The following IWS1 variants were observed in gnomAD, a reference collection of about 807,000 sequenced individuals.
IWS1 encodes the protein protein IWS1 homolog.
A neutral mutation model predicts 86.7 loss-of-function variants in IWS1; 27 were observed. That is an observed-to-expected ratio of 0.31 (90% confidence interval 0.23 to 0.43). IWS1 has a LOEUF of 0.43. Among genes scored for constraint, IWS1 ranks in the 20% least tolerant of loss-of-function variants. IWS1 has a pLI of 1.00. For missense variants in IWS1, 827 were observed against 1,000.8 expected (o/e 0.83, Z 2.34); for synonymous variants, 313 against 335.1 (o/e 0.93, Z 0.72).
intron 5 of IWS1, among the ~76,000 whole-genome samples, chr2:127,500,699 A>G (rs1690754983): frequency 6.6e-6 from 1 of 152,146 alleles, no homozygotes; most frequent in Non-Finnish European, 1.5e-5. Context: ...AATATTTACT[A>G]TTTACATTTA....
chr2:127,525,969 G>A (rs1692384769), intron 1 of IWS1, among the ~76,000 whole-genome samples: 1 of 152,222 alleles, frequency 6.6e-6, no homozygotes, highest in Admixed American at 6.5e-5. Flanking sequence ...CGCCGATTCA[G>A]AAGAAAGCTT....
chr2:127,509,176 A>G (rs1691307562), intron 2 of IWS1, among the ~76,000 whole-genome samples: 1 of 152,238 alleles, frequency 6.6e-6, no homozygotes, highest in African/African-American at 2.4e-5. Context: ...TATGCTGGAA[A>G]TTATACAGTT....
At chr2:127,511,022 A>G (rs961746265) in intron 2 of IWS1, 1 of 152,226 alleles carries the variant, frequency 6.6e-6, no homozygotes, top group African/African-American at 2.4e-5. Flanking sequence ...ATTCTACTCC[A>G]GTTCCAGCAG....
chr2:127,509,952 C>T (rs1050932780), intron 2 of IWS1, among the ~76,000 whole-genome samples: 2 of 152,090 alleles, frequency 1.3e-5, no homozygotes, highest in African/African-American at 4.8e-5. Context: ...GTAAAGTATT[C>T]AAATTTCAAA....
At chr2:127,495,913 G>A (rs1690486288) in intron 7 of IWS1, 85 bp downstream of exon 7, 3 of 1,196,762 alleles carry the variant, frequency 2.5e-6, no homozygotes, top group South Asian at 3.6e-5. Context: ...CTTAATTGTA[G>A]TTTAAGGGTT....
chr2:127,489,412 C>A lies in IWS1; in HGVS notation c.2160-177G>T, dbSNP rs1185960898. 6.8e-6 allele frequency: 4 copies of A among 585,014 alleles called. No individual in the cohort carries two copies. Among genetic ancestry groups the A allele is most frequent in the Non-Finnish European group, 1.2e-5 (4 of 327,676 alleles). The allele number at this position is 585,014 out of a possible 1,614,324, so 36.2% of individuals were successfully genotyped here. A position where few individuals can be genotyped will look rare whatever the true frequency, so the allele number is the denominator to read the frequency against. On this transcript the variant is annotated intron_variant, in intron 11 of 13. Transcript: ENST00000295321. The surrounding 1 kb of genome is among the most constrained non-coding windows in gnomAD (Gnocchi z 4.8). ...CTCATTTTAGTATTCATTTGCATAACAGGTTTCCTTGTGGATGAGCCGTAA... is the reference window on the plus strand; with the variant it reads ...CTCATTTTAGTATTCATTTGCATAAAAGGTTTCCTTGTGGATGAGCCGTAA...
At chr2:127,497,483 T>C (rs1404913939) in intron 6 of IWS1, among the ~76,000 whole-genome samples, 1 of 152,238 alleles carries the variant, frequency 6.6e-6, no homozygotes, top group Non-Finnish European at 1.5e-5. Flanking sequence ...AACTACAGGC[T>C]TGCTAAGCGC....
chr2:127,493,491 G>T, intron 8 of IWS1, 81 bp from the exon 9 acceptor site: 1 of 1,340,722 alleles, frequency 7.5e-7, no homozygotes, highest in Non-Finnish European at 9.9e-7. Context: ...ATTTAGTGAT[G>T]TTTCTAAAAA....
Position 127,489,589 on chromosome 2 carries a change from A to G in IWS1, c.2159+243T>C. ...CTCAAGTGGATGGAACAACACAAGC[A>G]ATCAGTATCCTGAAACAGGCCCTGT... On this transcript the variant is annotated intron_variant, in intron 11 of 13. Coordinates refer to ENST00000295321, the MANE Select transcript of IWS1 (RefSeq NM_017969.3). This position sits in a 1 kb window ranked among gnomAD's most constrained non-coding sequence, Gnocchi z 4.8. 1.9e-6 allele frequency: 1 copy of G among 538,910 alleles called. No homozygotes were observed. The highest frequency in any genetic ancestry group is 3.3e-6 in the Non-Finnish European group (1 of 305,712). The allele number at this position is 538,910 out of a possible 1,614,324, so 33.4% of individuals were successfully genotyped here. A position where few individuals can be genotyped will look rare whatever the true frequency, so the allele number is the denominator to read the frequency against.
At position 127,505,537 on chromosome 2, in the gene IWS1, ACT is replaced by A; in HGVS notation, c.364_365del (p.Ser122Ter). On this transcript the variant is annotated frameshift_variant, in exon 3 of 14. Transcript: ENST00000295321. LOFTEE classifies it high-confidence loss of function. The surrounding 1 kb of genome is among the most constrained non-coding windows in gnomAD (Gnocchi z 5.0). ...DVNQHGSDSESEETRKLPGSD... is the reference protein window; with the variant it reads ...DVNQHGSDSEXEETRKLPGSD... ...TACCAGGTAATTTCCTGGTCTCTTC[ACT>A]CTCAGAGTCGCTCCCATGCTGATTG... 1 of 1,613,608 alleles carries A rather than the reference ACT, an allele frequency of 6.2e-7. No homozygotes were observed. The highest frequency in any genetic ancestry group is 8.5e-7 in the Non-Finnish European group (1 of 1,179,888).
intron 5 of IWS1, among the ~76,000 whole-genome samples, chr2:127,502,136 T>C (rs1690855414): frequency 1.3e-5 from 2 of 152,232 alleles, no homozygotes; most frequent in African/African-American, 2.4e-5. Flanking sequence ...TGAGATTCTC[T>C]AGTCTGCCAG....
chr2:127,512,968 C>T (rs1334515506), intron 2 of IWS1, among the ~76,000 whole-genome samples: 2 of 152,178 alleles, frequency 1.3e-5, no homozygotes, highest in East Asian at 3.9e-4. Context: ...GGTGGGGCAC[C>T]ATGGCTCACA....
intron 2 of IWS1, chr2:127,506,648 C>T (rs1463074621): frequency 1.8e-5 from 3 of 167,360 alleles, no homozygotes; most frequent in African/African-American, 7.2e-5. Context: ...AGTTCATTTA[C>T]TCCTCATAAT....
intron 8 of IWS1, chr2:127,494,606 A>C (rs985246178): frequency 1.7e-5 from 4 of 236,624 alleles, no homozygotes; most frequent in Non-Finnish European, 3.2e-5. Context: ...TACCAAAAAA[A>C]CAAAAACAAA....
At chr2:127,527,291 C>G (rs763602966), upstream of IWS1, among the ~76,000 whole-genome samples, 3 of 152,118 alleles carry the variant, frequency 2.0e-5, no homozygotes, top group Non-Finnish European at 4.4e-5. Flanking sequence ...ACAGACCTTC[C>G]AAATTCCCGC....
At chr2:127,516,955 T>C (rs1691809695) in intron 2 of IWS1, among the ~76,000 whole-genome samples, 2 of 152,070 alleles carry the variant, frequency 1.3e-5, no homozygotes, top group South Asian at 4.1e-4. Flanking sequence ...GAAATAAGAT[T>C]AGAAATAGTA....
At position 127,503,535 on chromosome 2, in the gene IWS1, C is replaced by CA; in HGVS notation, c.1260dup (p.Asp421Ter). The CA allele has an allele frequency of 6.2e-7, 1 of 1,612,120 alleles. No individual in the cohort carries two copies. The highest frequency in any genetic ancestry group is 8.5e-7 in the Non-Finnish European group (1 of 1,179,038). On this transcript the variant is annotated frameshift_variant, in exon 4 of 14. Coordinates refer to ENST00000295321, the MANE Select transcript of IWS1 (RefSeq NM_017969.3). LOFTEE classifies it high-confidence loss of function. Reference sequence around the variant, plus strand: ...GACTTGTCTGATACAGCATCACTGTCAGAGTCATCTGCATCAGAGACAACA... The same window carrying CA: ...GACTTGTCTGATACAGCATCACTGTCAAGAGTCATCTGCATCAGAGACAACA...
rs138376919 is a variant in IWS1, at chr2:127,502,759, T to C, written c.1467+56A>G. On this transcript the variant is annotated intron_variant, in intron 5 of 13. Coordinates refer to ENST00000295321, the MANE Select transcript of IWS1 (RefSeq NM_017969.3). The stretch of plus-strand genomic sequence containing the variant: ...ATCATCTATAATGGTATCACTGCCA[T>C]AAAAACACCAAAAAAAAGCACAATC... 9.9e-4 allele frequency: 945 copies of C among 950,676 alleles called. 8 individuals are homozygous for C. In the East Asian group the frequency reaches 0.02, roughly 20 times the overall value. 58.9% of individuals were successfully genotyped at this position (950,676 alleles called of 1,614,324 possible). A position where few individuals can be genotyped will look rare whatever the true frequency, so the allele number is the denominator to read the frequency against.
Position 127,505,690 on chromosome 2 carries a change from G to T in IWS1, c.213C>A (p.Asn71Lys). ...PKGHHVTDSE[N>K]DEPLNLNASD... ...TAGCATTAAGATTTAAGGGCTCATC[G>T]TTCTCAGAGTCTGTCACATGATGTC... The change falls in exon 3 of 14, where the codon AAC (asparagine) becomes AAA (lysine). Residue 71 changes from asparagine to lysine, a missense_variant. Transcript: ENST00000295321. This position sits in a 1 kb window ranked among gnomAD's most constrained non-coding sequence, Gnocchi z 5.0. 1 of 1,612,598 alleles carries T rather than the reference G, an allele frequency of 6.2e-7. No homozygotes were observed. The highest frequency in any genetic ancestry group is 1.1e-5 in the South Asian group (1 of 90,844).
Sources: allele counts gnomAD v4.1 joint callset (sites outside exome capture counted in the v4.1 genomes callset), GRCh38; gene constraint gnomAD v4.1.1; non-coding constraint Gnocchi (gnomAD v3.1); transcripts MANE v1.5; gene names NCBI Gene and HGNC (gene_info 2026-07-23, HGNC 2026-07-21).